Variants in ANXA8 observed in about 807,000 individuals in gnomAD.
ANXA8 encodes the protein annexin A8.
In ANXA8, 9 loss-of-function variants were observed where a neutral mutation model predicts 26.8. That is an observed-to-expected ratio of 0.34 (90% CI 0.20 to 0.59). The LOEUF (loss-of-function observed/expected upper bound fraction) is 0.59, where lower values mean the gene tolerates loss of function less well. Among genes scored for constraint, ANXA8 ranks in the 20% least tolerant of loss-of-function variants. ANXA8 has a pLI of 0.84. For synonymous variants in ANXA8, 39 were observed against 94.8 expected (o/e 0.41, Z 3.42); for missense variants, 83 against 238.5 (o/e 0.35, Z 4.29).
chr10:47,534,508 T>A, the ANXA8 span, among the ~76,000 whole-genome samples: 1 of 140,126 alleles, frequency 7.1e-6, no homozygotes, highest in Non-Finnish European at 1.5e-5. Flanking sequence ...TAAATGTCTA[T>A]TCGAATCCAT....
chr10:47,498,670 A>C, the ANXA8 span, among the ~76,000 whole-genome samples: 1 of 139,728 alleles, frequency 7.2e-6, no homozygotes. Context: ...CTCAGAAAGA[A>C]ACATTTAATA....
intron 1 of ANXA8, among the ~76,000 whole-genome samples, chr10:47,480,854 ACCCG>A (rs1187548033): frequency 1.8e-4 from 10 of 55,822 alleles, no homozygotes; most frequent in Admixed American, 1.0e-3. Flanking sequence ...CCATCTATGC[ACCCG>A]CCCATCCATC....
At chr10:47,951,478 T>C in the ANXA8 span, among the ~76,000 whole-genome samples, 1 of 150,000 alleles carries the variant, frequency 6.7e-6, no homozygotes, top group South Asian at 2.1e-4. Flanking sequence ...AGAGAAAAGA[T>C]ACTACAAGAA....
At chr10:47,735,808 CT>C in the ANXA8 span, among the ~76,000 whole-genome samples, 1 of 151,296 alleles carries the variant, frequency 6.6e-6, no homozygotes, top group Non-Finnish European at 1.5e-5. Flanking sequence ...TACCTGGACA[CT>C]TTTTGTATTT....
the ANXA8 span, among the ~76,000 whole-genome samples, chr10:47,646,693 A>G: frequency 6.6e-6 from 1 of 151,778 alleles, no homozygotes; most frequent in East Asian, 1.9e-4. Flanking sequence ...GTAACCAACC[A>G]AGCACATTTT....
chr10:47,513,035 CT>C, the ANXA8 span, among the ~76,000 whole-genome samples: 1 of 130,936 alleles, frequency 7.6e-6, no homozygotes, highest in Non-Finnish European at 1.6e-5. Flanking sequence ...GGTGGATTAT[CT>C]TTTTTTTATT....
chr10:47,687,228 C>A, the ANXA8 span, among the ~76,000 whole-genome samples: 3 of 151,362 alleles, frequency 2.0e-5, no homozygotes, highest in Non-Finnish European at 4.4e-5. Context: ...TAATGTTATG[C>A]ATTTGATTTG....
At chr10:47,945,169 C>G in the ANXA8 span, among the ~76,000 whole-genome samples, 1 of 150,116 alleles carries the variant, frequency 6.7e-6, no homozygotes, top group South Asian at 2.1e-4. Context: ...GCCATGCCCT[C>G]ACTTGTGCTT....
At chr10:47,488,989 ACAGGCGTGAGCCACCG>A (rs1840097970), upstream of ANXA8, among the ~76,000 whole-genome samples, 1 of 148,234 alleles carries the variant, frequency 6.7e-6, no homozygotes, top group Admixed American at 6.7e-5. Flanking sequence ...TGCTGGGATT[ACAGGCGTGAGCCACCG>A]CCCCCAGCAA....
chr10:47,775,457 G>A, the ANXA8 span, among the ~76,000 whole-genome samples: 1 of 143,474 alleles, frequency 7.0e-6, no homozygotes, highest in Non-Finnish European at 1.5e-5. Flanking sequence ...CTTGTCCATG[G>A]ACTTAGAGCT....
At chr10:47,736,639 G>T in the ANXA8 span, among the ~76,000 whole-genome samples, 1 of 151,420 alleles carries the variant, frequency 6.6e-6, no homozygotes, top group African/African-American at 2.4e-5. Context: ...TTTTTTTGAG[G>T]TTTTCTTTTT....
the ANXA8 span, among the ~76,000 whole-genome samples, chr10:47,673,168 C>T: frequency 6.6e-6 from 1 of 151,632 alleles, no homozygotes; most frequent in Non-Finnish European, 1.5e-5. Context: ...CACCCACACT[C>T]CAGCTCCTAC....
At chr10:47,761,051 G>A in the ANXA8 span, 2 of 605,648 alleles carry the variant, frequency 3.3e-6, no homozygotes, top group Non-Finnish European at 2.9e-6. Context: ...GCCAGGAGGA[G>A]GCCAGGGCAC....
chr10:47,504,846 CTTTTTTTTTT>C, the ANXA8 span, among the ~76,000 whole-genome samples: 1 of 46,850 alleles, frequency 2.1e-5, no homozygotes, highest in African/African-American at 7.4e-5. Flanking sequence ...CATAACTGTT[CTTTTTTTTTT>C]TTTTTTTTTT....
the ANXA8 span, among the ~76,000 whole-genome samples, chr10:47,900,632 T>G: frequency 7.1e-6 from 1 of 140,686 alleles, no homozygotes; most frequent in East Asian, 2.1e-4. Context: ...AAAAACCTAA[T>G]AAAGACAACA....
the ANXA8 span, among the ~76,000 whole-genome samples, chr10:47,613,084 C>CT: frequency 2.4e-5 from 2 of 81,926 alleles, 1 homozygote; most frequent in Admixed American, 2.7e-4. Context: ...GTGTCATAAG[C>CT]TTTTCCACAT....
the ANXA8 span, among the ~76,000 whole-genome samples, chr10:47,685,271 A>C: frequency 6.6e-6 from 1 of 150,584 alleles, no homozygotes; most frequent in African/African-American, 2.4e-5. Flanking sequence ...GCTTGAACCC[A>C]GGAGGCAGAG....
At chr10:47,594,180 C>T in the ANXA8 span, among the ~76,000 whole-genome samples, 9 of 150,864 alleles carry the variant, frequency 6.0e-5, no homozygotes, top group South Asian at 6.2e-4. Flanking sequence ...ACCTTGTGAT[C>T]GTGTGAGTCA....
At chr10:47,940,763 G>A in the ANXA8 span, among the ~76,000 whole-genome samples, 4 of 145,164 alleles carry the variant, frequency 2.8e-5, no homozygotes, top group African/African-American at 1.1e-4. Context: ...GGAGGGAGGA[G>A]GTTGCAGTGA....
Sources: gnomAD v4.1 joint callset for allele counts (sites outside exome capture counted in the v4.1 genomes callset) on GRCh38, gnomAD v4.1.1 for gene constraint, MANE v1.5 for transcripts, NCBI Gene and HGNC (gene_info 2026-07-23, HGNC 2026-07-21) for gene names.